Variants in USF3 observed in about 807,000 individuals in gnomAD.
USF3 encodes upstream transcription factor family member 3.
USF3 carries 29 observed loss-of-function variants against 157.5 expected under a neutral mutation model. That is an observed-to-expected ratio of 0.18 (90% CI 0.14 to 0.25). The LOEUF (loss-of-function observed/expected upper bound fraction) is 0.25, where lower values mean the gene tolerates loss of function less well. Ranked by LOEUF, USF3 falls within the 10% of genes least tolerant of loss-of-function variation. The pLI, the probability that USF3 is intolerant of heterozygous loss-of-function variation, is 1.00. For synonymous variants in USF3, 893 were observed against 941.4 expected, an observed-to-expected ratio of 0.95 and a Z score of 0.94; for missense variants, 2,381 against 2,667.6, an observed-to-expected ratio of 0.89 and a Z score of 2.37.
At chr3:113,679,277 T>C (rs557886766) in intron 1 of USF3, among the ~76,000 whole-genome samples, 2 of 152,282 alleles carry the variant, frequency 1.3e-5, no homozygotes, top group East Asian at 3.9e-4. Flanking sequence ...TTCAAAACTT[T>C]TTTCCTTGAG....
chr3:113,680,376 T>C (rs188822419), intron 1 of USF3, among the ~76,000 whole-genome samples: 56 of 152,330 alleles, frequency 3.7e-4, no homozygotes, highest in Middle Eastern at 3.4e-3. Context: ...TCCAATTTAT[T>C]GGCATATAGT....
intron 1 of USF3, among the ~76,000 whole-genome samples, chr3:113,678,103 GAA>G (rs1707324973): frequency 6.7e-6 from 1 of 150,058 alleles, no homozygotes; most frequent in Non-Finnish European, 1.5e-5. Flanking sequence ...TTTAGGTACA[GAA>G]AAAGTTTTAG....
intron 1 of USF3, among the ~76,000 whole-genome samples, chr3:113,683,674 G>A (rs1435252179): frequency 1.3e-5 from 2 of 151,698 alleles, no homozygotes; most frequent in African/African-American, 2.4e-5. Context: ...TCACCATGTT[G>A]GCCAGGATGG....
At chr3:113,666,481 G>A (rs1947569424) in intron 5 of USF3, among the ~76,000 whole-genome samples, 1 of 148,816 alleles carries the variant, frequency 6.7e-6, no homozygotes, top group Non-Finnish European at 1.5e-5. Flanking sequence ...TCGAACTCCT[G>A]ACCTCAGGTG....
At chr3:113,671,098 T>C (rs952831380) in intron 4 of USF3, among the ~76,000 whole-genome samples, 6 of 152,138 alleles carry the variant, frequency 3.9e-5, no homozygotes, top group African/African-American at 1.2e-4. Flanking sequence ...TAAAAACAAA[T>C]AGGAATTGCT....
intron 1 of USF3, among the ~76,000 whole-genome samples, chr3:113,678,075 CTTTT>C (rs906085961): frequency 5.7e-5 from 8 of 139,818 alleles, no homozygotes; most frequent in Non-Finnish European, 9.1e-5. Context: ...TTCTCTCTTT[CTTTT>C]TTGTTTTTGG....
Position 113,655,204 on chromosome 3 carries a change from T to G in USF3, c.6478A>C (p.Arg2160=), listed in dbSNP as rs770542662. ...NRFGSILSPP[R]PVGFAQPSFP... Reference sequence around the variant, plus strand: ...CTTGGTTGAGCAAACCCAACAGGTCTGGGAGGAGATAAAATTGATCCAAAT... The same window carrying G: ...CTTGGTTGAGCAAACCCAACAGGTCGGGGAGGAGATAAAATTGATCCAAAT... The change falls in exon 7 of 7, where the codon AGA becomes CGA. Residue 2160 remains arginine, a synonymous_variant. Transcript: ENST00000316407. 5 of 1,614,202 alleles carry G rather than the reference T, an allele frequency of 3.1e-6. No homozygotes were observed. In the South Asian group the frequency reaches 5.5e-5, roughly 18 times the overall value.
intron 1 of USF3, among the ~76,000 whole-genome samples, chr3:113,691,143 C>T (rs558714745): frequency 1.3e-5 from 2 of 152,130 alleles, no homozygotes; most frequent in African/African-American, 4.8e-5. Flanking sequence ...GAGCCAAGAT[C>T]GCACCACTGC....
intron 1 of USF3, among the ~76,000 whole-genome samples, chr3:113,694,576 T>C (rs1707760389): frequency 6.6e-6 from 1 of 152,214 alleles, no homozygotes; most frequent in African/African-American, 2.4e-5. Context: ...TATGTACACC[T>C]AAGTCTTTTA....
chr3:113,658,903 T>C lies in USF3; in HGVS notation c.2779A>G (p.Ser927Gly), dbSNP rs1193287200. The change falls in exon 7 of 7, where the codon AGT becomes GGT. Residue 927 changes from serine (S) to glycine (G), a missense_variant. By Grantham distance (56) the Ser-to-Gly change is moderately conservative. Around this residue, in one of 6 missense-constraint regions of USF3, gnomAD observed 1,435 missense variants for 1,550.9 expected, o/e 0.93. Coordinates refer to ENST00000316407, the MANE Select transcript of USF3 (RefSeq NM_001009899.4). Reference protein sequence around the residue: ...QQETSQDKPPSSLALSDAAKP... With the variant: ...QQETSQDKPPGSLALSDAAKP... ...GCAGCATCTGATAATGCTAAACTACTTGGTGGTTTATCCTGAGATGTCTCT... is the reference window on the plus strand; with the variant it reads ...GCAGCATCTGATAATGCTAAACTACCTGGTGGTTTATCCTGAGATGTCTCT... 1 of 1,614,158 alleles carries C rather than the reference T, an allele frequency of 6.2e-7. No homozygotes were observed. The highest frequency in any genetic ancestry group is 2.2e-5 in the East Asian group (1 of 44,886).
rs1324460939 is a variant in USF3 at position 113,654,247 on chromosome 3, A to G, written c.*697T>C. 1 of 152,678 alleles carries G rather than the reference A, an allele frequency of 6.5e-6. No homozygotes were observed. The highest frequency in any genetic ancestry group is 1.5e-5 in the Non-Finnish European group (1 of 68,052). The allele number at this position is 152,678 out of a possible 1,614,324, so 9.5% of individuals were successfully genotyped here. A position where few individuals can be genotyped will look rare whatever the true frequency, so the allele number is the denominator to read the frequency against. ...TAGCTTTCTATATTTACGGCTAAAT[A>G]ATTGTCTAAGGAAGACCTTTGCTTT... On this transcript the variant is annotated 3_prime_UTR_variant, in exon 7 of 7. Transcript: ENST00000316407.
chr3:113,682,009 A>G (rs13313893), intron 1 of USF3, among the ~76,000 whole-genome samples: 50,319 of 152,066 alleles, frequency 0.33, 8,387 homozygotes, highest in Non-Finnish European at 0.35. Flanking sequence ...ATGAACCACC[A>G]GGGAAACCCG....
chr3:113,667,635 G>A (rs1345788799), intron 5 of USF3, among the ~76,000 whole-genome samples: 1 of 152,182 alleles, frequency 6.6e-6, no homozygotes, highest in African/African-American at 2.4e-5. Flanking sequence ...GGGAGGCCGA[G>A]GTGGGTGGAT....
rs1559704371 is a variant in USF3, at chr3:113,656,028, G to GTTCCTGGTGTGA, written c.5653_5654insTCACACCAGGAA (p.Ala1885delinsValThrProGlyThr). On this transcript the variant is annotated protein_altering_variant, in exon 7 of 7. Transcript: ENST00000316407. ...CAAGGTGCTGTTCCTGGTGTTAATT[G>GTTCCTGGTGTGA]CACCTAACGACATGTCACAACTTTC... 2 of 1,614,138 alleles carry GTTCCTGGTGTGA rather than the reference G, an allele frequency of 1.2e-6. No homozygotes were observed. Among genetic ancestry groups the GTTCCTGGTGTGA allele is most frequent in the Non-Finnish European group, 1.7e-6 (2 of 1,180,008 alleles).
Position 113,660,615 on chromosome 3 carries a change from G to T in USF3, c.1067C>A (p.Pro356Gln), listed in dbSNP as rs1166402209. ...GTCTGCACTCTTACTAATGCTCATT[G>T]GAGAAGAATCACCTGCAGTTCTGGG... ...QPPRTAGDSS[P>Q]MSISKSADLT... The change falls in exon 7 of 7, where the codon CCA becomes CAA. Residue 356 changes from proline to glutamine, a missense_variant. By Grantham distance (76) the Pro-to-Gln change is moderately conservative (BLOSUM62 -1). This residue lies in a region of USF3 where 1,435 missense variants were observed against 1,550.9 expected (regional missense o/e 0.93). Coordinates refer to ENST00000316407, the MANE Select transcript of USF3 (RefSeq NM_001009899.4). 6.2e-7 allele frequency: 1 copy of T among 1,614,134 alleles called. No individual in the cohort carries two copies. Among genetic ancestry groups the T allele is most frequent in the Non-Finnish European group, 8.5e-7 (1 of 1,180,008 alleles).
intron 5 of USF3, among the ~76,000 whole-genome samples, chr3:113,664,874 A>G (rs1474103549): frequency 6.6e-6 from 1 of 152,194 alleles, no homozygotes; most frequent in African/African-American, 2.4e-5. Context: ...TTAGTGCCCT[A>G]TAAGAAGAGA....
rs1356348359 is a variant in USF3 at position 113,696,502 on chromosome 3, GCTC to G, written c.-270_-268del. 1 of 152,202 alleles carries G rather than the reference GCTC, an allele frequency of 6.6e-6. No homozygotes were observed. Among genetic ancestry groups the G allele is most frequent in the African/African-American group, 2.4e-5 (1 of 41,396 alleles). 9.4% of individuals were successfully genotyped at this position (152,202 alleles called of 1,614,324 possible). On this transcript the variant is annotated 5_prime_UTR_variant, in exon 1 of 7. Transcript: ENST00000316407. ...ATCTCTCCGTCCGCGGCCACCGCCT[GCTC>G]CTCCGGGGCTGGGGGAGCGCGGGCC... is the stretch of plus-strand genomic sequence containing the variant.
intron 1 of USF3, among the ~76,000 whole-genome samples, chr3:113,692,846 T>G (rs1232882648): frequency 6.6e-6 from 1 of 152,224 alleles, no homozygotes; most frequent in Non-Finnish European, 1.5e-5. Flanking sequence ...ATTATCCAAT[T>G]GGACAGTTAA....
Position 113,657,647 on chromosome 3 carries a change from C to T in USF3, c.4035G>A (p.Lys1345=). ...DLLLSSAKRQ[K]HCQPAPLRLE... ...GCCTGAGGGGGGCTGGCTGACAGTGCTTTTGACGTTTAGCTGAAGACAGTA... is the reference window on the plus strand; with the variant it reads ...GCCTGAGGGGGGCTGGCTGACAGTGTTTTTGACGTTTAGCTGAAGACAGTA... The change falls in exon 7 of 7, where the codon AAG becomes AAA. Residue 1345 remains lysine (K), a synonymous_variant. Transcript: ENST00000316407. 6.2e-7 allele frequency: 1 copy of T among 1,614,176 alleles called. No homozygotes were observed. The highest frequency in any genetic ancestry group is 1.1e-5 in the South Asian group (1 of 91,082).
Sources: allele counts gnomAD v4.1 joint callset (sites outside exome capture counted in the v4.1 genomes callset), GRCh38; gene constraint gnomAD v4.1.1; regional missense constraint gnomAD v4.1.1; transcripts MANE v1.5; gene names NCBI Gene and HGNC (gene_info 2026-07-23, HGNC 2026-07-21).